CYP27C1: variants seen among roughly 807,000 people sequenced by gnomAD.
CYP27C1 encodes the protein cytochrome P450 family 27 subfamily C member 1.
CYP27C1 carries 29 observed loss-of-function variants against 40.6 expected under a neutral mutation model. The observed-to-expected ratio is 0.71, with a 90% CI of 0.53 to 0.97. The LOEUF (loss-of-function observed/expected upper bound fraction) is 0.97, where lower values mean the gene tolerates loss of function less well. Ranked by LOEUF, CYP27C1 falls within the 50% of genes least tolerant of loss-of-function variation. The probability of loss-of-function intolerance (pLI) is 0.00; values close to 1 mark genes in which losing one functional copy is unlikely to be tolerated. For missense variants in CYP27C1, 390 were observed against 485.8 expected (o/e 0.80, Z 1.85); for synonymous variants, 198 against 186.8 (o/e 1.06, Z -0.49).
intron 2 of CYP27C1, among the ~76,000 whole-genome samples, chr2:127,204,608 A>AGAAAGAAG (rs1683180195): frequency 1.9e-5 from 2 of 102,582 alleles, no homozygotes; most frequent in Admixed American, 1.2e-4. Flanking sequence ...AAAGAAAGAA[A>AGAAAGAAG]GAAAGAAAGA....
intron 2 of CYP27C1, among the ~76,000 whole-genome samples, chr2:127,204,485 AAAG>A (rs1683143808): frequency 5.0e-5 from 3 of 60,200 alleles, no homozygotes; most frequent in Non-Finnish European, 9.6e-5. Flanking sequence ...AGAAAGAAAG[AAAG>A]GAAGGAAGGA....
chr2:127,205,472 C>A (rs1683204446), intron 2 of CYP27C1, among the ~76,000 whole-genome samples: 1 of 152,192 alleles, frequency 6.6e-6, no homozygotes, highest in African/African-American at 2.4e-5. Flanking sequence ...TGCTATGAGA[C>A]AGGAAAATCA....
intron 8 of CYP27C1, among the ~76,000 whole-genome samples, chr2:127,188,924 T>C (rs4284779): frequency 0.12 from 18,916 of 152,078 alleles, 1,244 homozygotes; most frequent in African/African-American, 0.15. Context: ...AACAGCATGT[T>C]TTCAGGCAGC....
Position 127,205,883 on chromosome 2 carries a change from CG to C in CYP27C1, c.473+16del. 1 of 411,076 alleles carries C rather than the reference CG, an allele frequency of 2.4e-6. No individual in the cohort carries two copies. Among genetic ancestry groups the C allele is most frequent in the Non-Finnish European group, 3.3e-6 (1 of 304,592 alleles). The allele number at this position is 411,076 out of a possible 1,614,324, so 25.5% of individuals were successfully genotyped here. ...TCCCCCTCCAGCCCGTGGCTCAGCC[CG>C]GGCCCACATACTCACGCCGAGATGA... is the stretch of plus-strand genomic sequence containing the variant. On this transcript the variant is annotated intron_variant, in intron 2 of 8. Transcript: ENST00000664447.
At position 127,200,331 on chromosome 2, in the gene CYP27C1, T is replaced by A. The variant is rs1233286842; in HGVS notation, c.883+791A>T. On this transcript the variant is annotated intron_variant, in intron 4 of 8. Coordinates refer to ENST00000664447, the MANE Select transcript of CYP27C1 (RefSeq NM_001367502.1). This position sits in a 1 kb window ranked among gnomAD's most constrained non-coding sequence, Gnocchi z 4.2. ...TGAAACACTTTATTCAGTGTTAGCA[T>A]TGCTCTAGAACATTGTTCTAAGCAT... Among the ~76,000 whole-genome samples the A allele has an allele frequency of 6.6e-6, 1 of 152,240 alleles. No homozygotes were observed. The highest frequency in any genetic ancestry group is 1.5e-5 in the Non-Finnish European group (1 of 68,044).
chr2:127,207,154 C>T (rs1192309913), intron 1 of CYP27C1, among the ~76,000 whole-genome samples: 2 of 152,024 alleles, frequency 1.3e-5, no homozygotes, highest in African/African-American at 2.4e-5. Flanking sequence ...CGCTAGAGCA[C>T]AGGAGTTCAA....
intron 7 of CYP27C1, 102 bp from the exon 8 acceptor site, chr2:127,193,399 G>T: frequency 1.4e-6 from 2 of 1,390,892 alleles, no homozygotes; most frequent in South Asian, 1.3e-5. Context: ...GGGTGCTCCC[G>T]CCTGGGGGCC....
Position 127,208,598 on chromosome 2 carries a change from G to C in CYP27C1, c.283-2508C>G, listed in dbSNP as rs572710628. ...CACTGGGACTCACAACTGCCAACAG[G>C]CTAAGCTCCCTGGGTTGGGGAAGGG... is the stretch of plus-strand genomic sequence containing the variant. On this transcript the variant is annotated intron_variant, in intron 1 of 8. Transcript: ENST00000664447. The surrounding 1 kb of genome is among the most constrained non-coding windows in gnomAD (Gnocchi z 5.2). Among the ~76,000 whole-genome samples the C allele has an allele frequency of 6.6e-6, 1 of 152,320 alleles. No individual in the cohort carries two copies. The highest frequency in any genetic ancestry group is 2.1e-4 in the South Asian group (1 of 4,828).
At chr2:127,206,973 A>G (rs72845917) in intron 1 of CYP27C1, among the ~76,000 whole-genome samples, 12,636 of 152,332 alleles carry the variant, frequency 0.083, 677 homozygotes, top group South Asian at 0.16. Context: ...ACACAAAATC[A>G]GTATACAAAA....
chr2:127,207,899 C>T (rs1250276274), intron 1 of CYP27C1, among the ~76,000 whole-genome samples: 3 of 152,118 alleles, frequency 2.0e-5, no homozygotes, highest in African/African-American at 7.2e-5. Flanking sequence ...AAGAAATACA[C>T]CTCAAAGTGT....
Position 127,195,679 on chromosome 2 carries a change from C to CAAAT in CYP27C1, c.1048-182_1048-179dup, listed in dbSNP as rs534366187. 7.6e-4 allele frequency among the ~76,000 whole-genome samples: 116 copies of CAAAT among 152,120 alleles called. 2 individuals carry two copies. In the East Asian group the frequency reaches 0.013, roughly 17 times the overall value. ...GAAAGACTGTTTCCTTAATTCATGGCAAATAAATAAATAAATAAATAACTG... is the reference window on the plus strand; with the variant it reads ...GAAAGACTGTTTCCTTAATTCATGGCAAATAAATAAATAAATAAATAAATAACTG... On this transcript the variant is annotated intron_variant, in intron 5 of 8. Coordinates refer to ENST00000664447, the MANE Select transcript of CYP27C1 (RefSeq NM_001367502.1). This position sits in a 1 kb window ranked among gnomAD's most constrained non-coding sequence, Gnocchi z 6.2.
intron 1 of CYP27C1, among the ~76,000 whole-genome samples, chr2:127,213,470 A>G (rs1225595320): frequency 6.6e-6 from 1 of 152,236 alleles, no homozygotes; most frequent in Non-Finnish European, 1.5e-5. Context: ...AAACAGACAT[A>G]TAGACCAATG....
Position 127,200,562 on chromosome 2 carries a change from G to A in CYP27C1, c.883+560C>T, listed in dbSNP as rs1303806068. 1.3e-5 allele frequency among the ~76,000 whole-genome samples: 2 copies of A among 152,144 alleles called. No homozygotes were observed. The highest frequency in any genetic ancestry group is 2.4e-5 in the African/African-American group (1 of 41,422). On this transcript the variant is annotated intron_variant, in intron 4 of 8. Transcript: ENST00000664447. The surrounding 1 kb of genome is among the most constrained non-coding windows in gnomAD (Gnocchi z 4.2). ...CATCATCTTGCATGGACATTTACTT[G>A]TACCTGTCCCTGCTAGCATGCTAGT...
intron 2 of CYP27C1, chr2:127,205,661 C>G (rs1050250770): frequency 1.0e-6 from 1 of 985,388 alleles, no homozygotes; most frequent in African/African-American, 1.7e-5. Flanking sequence ...CTGCCCACCA[C>G]GGAGCCAGCG....
chr2:127,190,342 C>CTTTTTT (rs1241035422), intron 8 of CYP27C1, among the ~76,000 whole-genome samples: 7 of 96,638 alleles, frequency 7.2e-5, no homozygotes, highest in Admixed American at 1.5e-4. Context: ...TTTTTTTTTT[C>CTTTTTT]TTTTTTTTTT....
intron 1 of CYP27C1, among the ~76,000 whole-genome samples, chr2:127,214,947 G>T (rs1336668851): frequency 3.3e-5 from 5 of 151,106 alleles, no homozygotes; most frequent in African/African-American, 7.3e-5. Flanking sequence ...GCTAACACGA[G>T]GAAACCCCGT....
intron 1 of CYP27C1, among the ~76,000 whole-genome samples, chr2:127,211,625 T>C (rs1339213389): frequency 6.6e-6 from 1 of 152,038 alleles, no homozygotes; most frequent in Non-Finnish European, 1.5e-5. Flanking sequence ...GACCTCGTGA[T>C]CCACCCACCT....
chr2:127,204,485 A>AAAGAAAGAAAGAAAGAAAGGAAGGAAGG (rs1336827282), intron 2 of CYP27C1, among the ~76,000 whole-genome samples: 8 of 60,168 alleles, frequency 1.3e-4, no homozygotes, highest in African/African-American at 5.4e-4. Context: ...AGAAAGAAAG[A>AAAGAAAGAAAGAAAGAAAGGAAGGAAGG]AAGGAAGGAA....
chr2:127,207,311 A>G (rs770844125), intron 1 of CYP27C1, among the ~76,000 whole-genome samples: 6 of 152,192 alleles, frequency 3.9e-5, no homozygotes, highest in Non-Finnish European at 8.8e-5. Flanking sequence ...CCTAGCCAAC[A>G]TGGTGAAACC....
Sources: gnomAD v4.1 joint callset for allele counts (sites outside exome capture counted in the v4.1 genomes callset) on GRCh38, gnomAD v4.1.1 for gene constraint, Gnocchi (gnomAD v3.1) non-coding constraint, MANE v1.5 for transcripts, NCBI Gene and HGNC (gene_info 2026-07-23, HGNC 2026-07-21) for gene names.